DLGAP2: variants seen among roughly 807,000 people sequenced by gnomAD.
The protein encoded by DLGAP2 is DLG associated protein 2, also known as disks large-associated protein 2.
Under a neutral mutation model 100.3 loss-of-function variants are expected in DLGAP2, and 26 were observed. That is an observed-to-expected ratio of 0.26 (90% CI 0.19 to 0.36). The LOEUF (loss-of-function observed/expected upper bound fraction) is 0.36. DLGAP2 is among the 10% of genes least tolerant of loss of function. The pLI, the probability that DLGAP2 is intolerant of heterozygous loss-of-function variation, is 1.00. For synonymous variants in DLGAP2, 886 were observed against 630.1 expected, an observed-to-expected ratio of 1.41 and a Z score of -6.08; for missense variants, 1,858 against 1,453.2, an observed-to-expected ratio of 1.28 and a Z score of -4.53.
At chr8:1,298,533 C>G (rs1473969465) in intron 3 of DLGAP2, among the ~76,000 whole-genome samples, 1 of 152,130 alleles carries the variant, frequency 6.6e-6, no homozygotes, top group Non-Finnish European at 1.5e-5. Flanking sequence ...GCAGCGTACC[C>G]TGCAGAAGAG....
At chr8:1,046,492 A>G (rs1298795996) in intron 2 of DLGAP2, among the ~76,000 whole-genome samples, 1 of 152,204 alleles carries the variant, frequency 6.6e-6, no homozygotes, top group Non-Finnish European at 1.5e-5. Flanking sequence ...TGCTGGAATA[A>G]AAAGAGATAT....
At chr8:1,152,788 C>G (rs900304239) in intron 2 of DLGAP2, among the ~76,000 whole-genome samples, 2 of 152,170 alleles carry the variant, frequency 1.3e-5, no homozygotes, top group Non-Finnish European at 1.5e-5. Context: ...CCAGATGGGC[C>G]AAACCTACAT....
intron 3 of DLGAP2, among the ~76,000 whole-genome samples, chr8:1,262,880 A>ATG (rs1208155519): frequency 6.7e-6 from 1 of 149,974 alleles, no homozygotes; most frequent in Non-Finnish European, 1.5e-5. Context: ...GTGGGGCCAC[A>ATG]GATGTCAGTT....
chr8:1,547,185 C>T (rs748389586), intron 4 of DLGAP2, among the ~76,000 whole-genome samples: 2 of 152,136 alleles, frequency 1.3e-5, no homozygotes, highest in South Asian at 2.1e-4. Flanking sequence ...GAGGGAGGCT[C>T]GGCAGCTCCT....
At chr8:1,161,610 C>T (rs191249126) in intron 2 of DLGAP2, among the ~76,000 whole-genome samples, 1 of 152,324 alleles carries the variant, frequency 6.6e-6, no homozygotes, top group East Asian at 1.9e-4. Flanking sequence ...GCTGATGAGA[C>T]TCGGCCCTGG....
Position 1,702,961 on chromosome 8 carries a change from T to G in DLGAP2, c.*1555T>G, listed in dbSNP as rs1237496451. 6.6e-6 allele frequency: 1 copy of G among 152,662 alleles called. No individual in the cohort carries two copies. Among genetic ancestry groups the G allele is most frequent in the Non-Finnish European group, 1.5e-5 (1 of 68,064 alleles). The allele number at this position is 152,662 out of a possible 1,614,324, so 9.5% of individuals were successfully genotyped here. ...GATGACCCCATAGCACTTTGTTTCTTCGCCTTGATTTGCACTTTACAATGT... is the reference window on the plus strand; with the variant it reads ...GATGACCCCATAGCACTTTGTTTCTGCGCCTTGATTTGCACTTTACAATGT... On this transcript the variant is annotated 3_prime_UTR_variant, in exon 15 of 15. Transcript: ENST00000637795.
rs1039836470 is a variant in DLGAP2, at chr8:1,241,475, C to A, written c.74-17376C>A. On this transcript the variant is annotated intron_variant, in intron 2 of 14. Coordinates refer to ENST00000637795, the MANE Select transcript of DLGAP2 (RefSeq NM_001346810.2). ...ACCCTGACGCGTTATTTATTTCTTC[C>A]TTGACGTTACTGCAGTTACTCTCGG... 3.1e-4 allele frequency among the ~76,000 whole-genome samples: 47 copies of A among 152,176 alleles called. 1 individual carries two copies. Among genetic ancestry groups the A allele is most frequent in the Admixed American group, 3.1e-3 (47 of 15,278 alleles).
At chr8:1,508,235 C>T (rs1313118038) in intron 4 of DLGAP2, among the ~76,000 whole-genome samples, 2 of 151,262 alleles carry the variant, frequency 1.3e-5, no homozygotes, top group Admixed American at 6.6e-5. Context: ...CCCATTCTGG[C>T]CTCCTGAAGG....
chr8:1,410,786 A>G (rs1037942286), intron 3 of DLGAP2, among the ~76,000 whole-genome samples: 5 of 148,932 alleles, frequency 3.4e-5, no homozygotes, highest in Non-Finnish European at 5.9e-5. Flanking sequence ...TTCCCAGATT[A>G]TGGCCACCTT....
At chr8:763,982 G>T (rs1466337675) in intron 1 of DLGAP2, among the ~76,000 whole-genome samples, 2 of 152,156 alleles carry the variant, frequency 1.3e-5, no homozygotes, top group Non-Finnish European at 2.9e-5. Flanking sequence ...CTGAGCTTCC[G>T]GCTTTTAATT....
intron 8 of DLGAP2, among the ~76,000 whole-genome samples, chr8:1,660,966 G>C (rs74439131): frequency 2.6e-5 from 4 of 152,192 alleles, no homozygotes; most frequent in African/African-American, 9.6e-5. Flanking sequence ...CAACAAGGCT[G>C]CTGGAACCGG....
intron 6 of DLGAP2, among the ~76,000 whole-genome samples, chr8:1,623,886 C>G (rs1797423020): frequency 1.3e-5 from 2 of 152,226 alleles, no homozygotes; most frequent in Admixed American, 1.3e-4. Context: ...AAATTATTAG[C>G]TTTCTTCAGC....
chr8:1,012,691 T>C (rs1193947388), intron 2 of DLGAP2, among the ~76,000 whole-genome samples: 18 of 53,134 alleles, frequency 3.4e-4, no homozygotes, highest in East Asian at 6.1e-4. Context: ...GTCCGACCAG[T>C]CCCCCCTACT....
intron 2 of DLGAP2, among the ~76,000 whole-genome samples, chr8:1,164,044 A>C: frequency 6.6e-6 from 1 of 151,740 alleles, no homozygotes; most frequent in Admixed American, 6.6e-5. Flanking sequence ...CTCTAGTGAG[A>C]CTCGGTCCTT....
At chr8:1,408,492 A>C (rs1039540729) in intron 3 of DLGAP2, among the ~76,000 whole-genome samples, 1 of 152,188 alleles carries the variant, frequency 6.6e-6, no homozygotes, top group Non-Finnish European at 1.5e-5. Context: ...GGCCCTGCAG[A>C]GGGACCTTCT....
At chr8:1,053,973 G>T (rs1368448819) in intron 2 of DLGAP2, among the ~76,000 whole-genome samples, 1 of 152,078 alleles carries the variant, frequency 6.6e-6, no homozygotes, top group African/African-American at 2.4e-5. Context: ...GTCTTTTTGT[G>T]TAAAGAAATC....
intron 2 of DLGAP2, among the ~76,000 whole-genome samples, chr8:977,029 C>T (rs1262805284): frequency 1.3e-5 from 2 of 152,144 alleles, no homozygotes; most frequent in Non-Finnish European, 2.9e-5. Flanking sequence ...ATTTACAAAA[C>T]ACTTACCTAA....
At chr8:1,137,564 T>C (rs1796443931) in intron 2 of DLGAP2, 1 of 152,194 alleles carries the variant, frequency 6.6e-6, no homozygotes, top group African/African-American at 2.4e-5. Context: ...CCTAAAGTTA[T>C]ATTTGACTCA....
chr8:1,099,056 T>C (rs1563191087), intron 2 of DLGAP2, among the ~76,000 whole-genome samples: 1 of 152,210 alleles, frequency 6.6e-6, no homozygotes, highest in Non-Finnish European at 1.5e-5. Context: ...TAGAAAATAC[T>C]GTTCTTACAG....
Sources: gnomAD v4.1 joint callset for allele counts (sites outside exome capture counted in the v4.1 genomes callset) on GRCh38, gnomAD v4.1.1 for gene constraint, MANE v1.5 for transcripts, NCBI Gene and HGNC (gene_info 2026-07-23, HGNC 2026-07-21) for gene names.